FMO1: variants seen among roughly 807,000 people sequenced by gnomAD.
The protein encoded by FMO1 is flavin-containing monooxygenase 1.
In FMO1, 36 loss-of-function variants were observed where a neutral mutation model predicts 45.4. The ratio of observed to expected loss-of-function variants is 0.79; its 90% confidence interval spans 0.61 to 1.05. The LOEUF (loss-of-function observed/expected upper bound fraction) is 1.05, where lower values mean the gene tolerates loss of function less well. Ranked by LOEUF, FMO1 falls within the 50% of genes least tolerant of loss-of-function variation. The pLI, the probability that FMO1 is intolerant of heterozygous loss-of-function variation, is 0.00. For missense variants in FMO1, 615 were observed against 640.3 expected, an observed-to-expected ratio of 0.96 and a Z score of 0.43; for synonymous variants, 228 against 227.2, an observed-to-expected ratio of 1.00 and a Z score of -0.03.
intron 2 of FMO1, among the ~76,000 whole-genome samples, chr1:171,266,510 T>C (rs551745928): frequency 6.6e-6 from 1 of 152,352 alleles, no homozygotes; most frequent in Admixed American, 6.5e-5. Context: ...AATCAACTCT[T>C]ATCAGTCAAT....
At chr1:171,265,385 C>T (rs772750553) in intron 2 of FMO1, among the ~76,000 whole-genome samples, 4 of 146,858 alleles carry the variant, frequency 2.7e-5, no homozygotes, top group South Asian at 2.1e-4. Flanking sequence ...AGCGAGGCTC[C>T]GTCTCAAAAA....
chr1:171,255,566 T>C (rs952139454), intron 1 of FMO1, among the ~76,000 whole-genome samples: 2 of 152,116 alleles, frequency 1.3e-5, no homozygotes, highest in Non-Finnish European at 2.9e-5. Context: ...GTCAAGGAAA[T>C]ATATAACACT....
intron 2 of FMO1, among the ~76,000 whole-genome samples, chr1:171,258,580 A>G (rs187416206): frequency 6.6e-6 from 1 of 152,308 alleles, no homozygotes; most frequent in East Asian, 1.9e-4. Flanking sequence ...TAGGAGCAAG[A>G]GCAAGAATTT....
rs1213129851 is a variant in FMO1, at chr1:171,285,473, C to T, written c.1528C>T (p.Pro510Ser). 3.3e-6 allele frequency: 5 copies of T among 1,527,788 alleles called. No homozygotes were observed. The highest frequency in any genetic ancestry group is 2.2e-5 in the Admixed American group (1 of 45,138). 94.6% of individuals were successfully genotyped at this position (1,527,788 alleles called of 1,614,324 possible). Residue 510 changes from proline to serine, a missense_variant, in exon 9 of 9, where the codon CCC becomes TCC. Coordinates refer to ENST00000617670, the MANE Select transcript of FMO1 (RefSeq NM_001282693.2). ...TCGAGTTGTACAAGAGTCTCCATCT[C>T]CCTTTGAAAGTTTTCTTAAAGTCTT... ...KARVVQESPS[P>S]FESFLKVFSF... is the part of the protein sequence containing the mutation.
chr1:171,255,721 C>G (rs1190517234), intron 1 of FMO1, among the ~76,000 whole-genome samples: 1 of 152,056 alleles, frequency 6.6e-6, no homozygotes, highest in Non-Finnish European at 1.5e-5. Flanking sequence ...AATTGCCTCA[C>G]CCTCTTTCTC....
chr1:171,274,281 G>A (rs866605190), intron 3 of FMO1, among the ~76,000 whole-genome samples: 13 of 146,206 alleles, frequency 8.9e-5, no homozygotes, highest in African/African-American at 3.3e-4. Flanking sequence ...TTTTTTTTGA[G>A]ACAAGGTCTC....
Position 171,282,526 on chromosome 1 carries a change from G to A in FMO1, c.1183+193G>A, listed in dbSNP as rs1282629118. On this transcript the variant is annotated intron_variant, in intron 7 of 8. Coordinates refer to ENST00000617670, the MANE Select transcript of FMO1 (RefSeq NM_001282693.2). The stretch of plus-strand genomic sequence containing the variant: ...CATTACTGCATAAATGGTATATCAG[G>A]GTCAAAAATATATATATTTTTTTGA... 57 of 449,042 alleles carry A rather than the reference G, an allele frequency of 1.3e-4. No individual in the cohort carries two copies. In the East Asian group the frequency reaches 1.4e-3, roughly 11 times the overall value. The allele number at this position is 449,042 out of a possible 1,614,324, so 27.8% of individuals were successfully genotyped here. A position where few individuals can be genotyped will look rare whatever the true frequency, so the allele number is the denominator to read the frequency against.
chr1:171,248,965 A>C, intron 1 of FMO1, among the ~76,000 whole-genome samples: 1 of 118,942 alleles, frequency 8.4e-6, no homozygotes, highest in South Asian at 3.3e-4. Context: ...CAAGAGGAAA[A>C]GTCTCTTTTT....
chr1:171,270,923 G>GA (rs1660829975), intron 3 of FMO1: 1 of 776,148 alleles, frequency 1.3e-6, no homozygotes, highest in Non-Finnish European at 2.2e-6. Flanking sequence ...ATGCTTTATA[G>GA]ACGAGAAAAA....
chr1:171,253,143 C>A (rs2102063259), intron 1 of FMO1, among the ~76,000 whole-genome samples: 1 of 152,298 alleles, frequency 6.6e-6, no homozygotes, highest in East Asian at 1.9e-4. Flanking sequence ...GACTTTGAAA[C>A]CGACTTTGTG....
intron 2 of FMO1, among the ~76,000 whole-genome samples, chr1:171,265,767 G>A (rs2101813160): frequency 6.6e-6 from 1 of 152,208 alleles, no homozygotes; most frequent in Non-Finnish European, 1.5e-5. Flanking sequence ...TTGCTTCCTG[G>A]TTGTCAATTT....
chr1:171,271,947 A>G (rs1282650093), intron 3 of FMO1, among the ~76,000 whole-genome samples: 3 of 152,178 alleles, frequency 2.0e-5, no homozygotes, highest in Non-Finnish European at 2.9e-5. Context: ...AATAACAAGG[A>G]GCCAAATGTT....
intron 2 of FMO1, among the ~76,000 whole-genome samples, chr1:171,267,047 C>T (rs577342734): frequency 6.6e-6 from 1 of 152,308 alleles, no homozygotes; most frequent in South Asian, 2.1e-4. Flanking sequence ...TCTACCTTAC[C>T]GCCATCTCAC....
chr1:171,281,846 T>A, intron 6 of FMO1, 132 bp from the exon 7 acceptor site: 1 of 596,072 alleles, frequency 1.7e-6, no homozygotes, highest in South Asian at 2.2e-5. Flanking sequence ...TGAAGTAACA[T>A]CTCCCAAGAC....
intron 2 of FMO1, among the ~76,000 whole-genome samples, chr1:171,266,782 C>A (rs1660633669): frequency 6.6e-6 from 1 of 152,132 alleles, no homozygotes; most frequent in Non-Finnish European, 1.5e-5. Context: ...AAGAACCTTG[C>A]CACTGAAATT....
chr1:171,267,198 G>A (rs957973200), intron 2 of FMO1, among the ~76,000 whole-genome samples: 1 of 152,120 alleles, frequency 6.6e-6, no homozygotes, highest in Non-Finnish European at 1.5e-5. Context: ...TTTGTAGAAC[G>A]AGAGTTATCT....
intron 2 of FMO1, 86 bp from the exon 3 acceptor site, chr1:171,267,457 A>C: frequency 1.2e-6 from 1 of 840,330 alleles, no homozygotes; most frequent in Admixed American, 2.6e-5. Context: ...TGGCAATGAT[A>C]CTGTGTGCAT....
intron 5 of FMO1, among the ~76,000 whole-genome samples, chr1:171,279,657 T>C (rs1208875537): frequency 6.6e-6 from 1 of 152,196 alleles, no homozygotes; most frequent in East Asian, 1.9e-4. Context: ...ACAAGCCATC[T>C]AGACCCCAAC....
chr1:171,271,538 T>A (rs1660867594), intron 3 of FMO1: 3 of 835,646 alleles, frequency 3.6e-6, no homozygotes, highest in African/African-American at 1.7e-5. Flanking sequence ...GCACAAAAAA[T>A]GCATATGATG....
Sources: allele counts gnomAD v4.1 joint callset (sites outside exome capture counted in the v4.1 genomes callset), GRCh38; gene constraint gnomAD v4.1.1; transcripts MANE v1.5; gene names NCBI Gene and HGNC (gene_info 2026-07-23, HGNC 2026-07-21).